The following PCDH15 variants were observed in gnomAD, a reference collection of about 807,000 sequenced individuals.
PCDH15 encodes the protein protocadherin related 15, also known as protocadherin-15.
In PCDH15, 129 loss-of-function variants were observed where a neutral mutation model predicts 178.5. The ratio of observed to expected loss-of-function variants is 0.72; its 90% CI spans 0.63 to 0.84. The LOEUF (loss-of-function observed/expected upper bound fraction) is 0.84. Ranked by LOEUF, PCDH15 falls within the 40% of genes least tolerant of loss-of-function variation. The pLI, the probability that PCDH15 is intolerant of heterozygous loss-of-function variation, is 0.00. For synonymous variants in PCDH15, 800 were observed against 732.0 expected (o/e 1.09, Z -1.50); for missense variants, 2,230 against 2,099.9 (o/e 1.06, Z -1.21).
intron 2 of PCDH15, chr10:54,605,662 A>C (rs1474469202): frequency 6.6e-6 from 1 of 152,174 alleles, no homozygotes; most frequent in African/African-American, 2.4e-5. Context: ...TGGGGCACTA[A>C]CTGGATTTTC....
At chr10:54,009,118 C>A (rs746221660) in intron 20 of PCDH15, among the ~76,000 whole-genome samples, 1 of 151,716 alleles carries the variant, frequency 6.6e-6, no homozygotes, top group Non-Finnish European at 1.5e-5. Flanking sequence ...ATTATTGTCT[C>A]GGGAAAGAGA....
intron 28 of PCDH15, among the ~76,000 whole-genome samples, chr10:53,842,066 T>C (rs953729217): frequency 6.6e-6 from 1 of 152,154 alleles, no homozygotes; most frequent in Non-Finnish European, 1.5e-5. Context: ...GAGAGATTTA[T>C]GCTCATTTAA....
intron 3 of PCDH15, among the ~76,000 whole-genome samples, chr10:54,517,410 C>T (rs985983214): frequency 6.6e-6 from 1 of 152,110 alleles, no homozygotes; most frequent in Admixed American, 6.6e-5. Context: ...GAGTTGCAAT[C>T]CTAGTCTCTG....
intron 10 of PCDH15, among the ~76,000 whole-genome samples, chr10:54,209,208 A>G (rs2134060943): frequency 6.6e-6 from 1 of 152,148 alleles, no homozygotes; most frequent in East Asian, 1.9e-4. Flanking sequence ...TCTCTGTGGG[A>G]AATTCAGGTA....
At chr10:54,045,777 A>G (rs570974082) in intron 18 of PCDH15, among the ~76,000 whole-genome samples, 1 of 152,130 alleles carries the variant, frequency 6.6e-6, no homozygotes, top group Non-Finnish European at 1.5e-5. Context: ...GACCTGAGGA[A>G]GTAGGCTATT....
intron 2 of PCDH15, among the ~76,000 whole-genome samples, chr10:54,561,610 C>T (rs1327380514): frequency 2.0e-5 from 3 of 152,030 alleles, no homozygotes; most frequent in Admixed American, 6.6e-5. Context: ...AGAAAGGTCT[C>T]TTCAAAATAG....
chr10:55,263,325 G>A (rs1842195875), intron 1 of PCDH15, among the ~76,000 whole-genome samples: 1 of 152,136 alleles, frequency 6.6e-6, no homozygotes, highest in South Asian at 2.1e-4. Flanking sequence ...TACAGGCTGT[G>A]GCAATGTTAC....
chr10:55,039,997 G>A (rs989804559), intron 2 of PCDH15, among the ~76,000 whole-genome samples: 2 of 151,924 alleles, frequency 1.3e-5, no homozygotes, highest in African/African-American at 4.8e-5. Context: ...TTCATCCATA[G>A]CATTTTAGAA....
chr10:54,484,751 G>C (rs2078978761), intron 3 of PCDH15, among the ~76,000 whole-genome samples: 1 of 151,672 alleles, frequency 6.6e-6, no homozygotes. Flanking sequence ...ACAATGCAAG[G>C]AGTTGGAAAA....
At chr10:54,975,019 C>A (rs1440658636) in intron 2 of PCDH15, among the ~76,000 whole-genome samples, 1 of 152,166 alleles carries the variant, frequency 6.6e-6, no homozygotes, top group Non-Finnish European at 1.5e-5. Context: ...CACATCTTCT[C>A]AGCTACTAGC....
At chr10:54,266,146 A>AACACAC (rs145223349) in intron 8 of PCDH15, among the ~76,000 whole-genome samples, 6 of 150,060 alleles carry the variant, frequency 4.0e-5, no homozygotes, top group Non-Finnish European at 6.0e-5. Flanking sequence ...CGCAGACACA[A>AACACAC]ACACACACAC....
intron 1 of PCDH15, among the ~76,000 whole-genome samples, chr10:55,194,918 A>G (rs1054304217): frequency 4.6e-5 from 7 of 152,066 alleles, no homozygotes; most frequent in Admixed American, 6.5e-5. Flanking sequence ...TATGTTAAAA[A>G]TGTTATAGCA....
At chr10:54,675,651 G>A (rs2094772711) in intron 1 of PCDH15, among the ~76,000 whole-genome samples, 2 of 151,912 alleles carry the variant, frequency 1.3e-5, no homozygotes, top group African/African-American at 2.4e-5. Context: ...CCAAGTATAG[G>A]TCAAATATTT....
intron 15 of PCDH15, among the ~76,000 whole-genome samples, chr10:54,099,498 C>CA (rs755057091): frequency 1.1e-3 from 56 of 49,908 alleles, no homozygotes; most frequent in African/African-American, 4.5e-3. Flanking sequence ...GACTCCATCT[C>CA]AAAAAAAAAA....
intron 2 of PCDH15, among the ~76,000 whole-genome samples, chr10:55,143,074 T>C (rs1838397201): frequency 6.6e-6 from 1 of 152,100 alleles, no homozygotes; most frequent in South Asian, 2.1e-4. Context: ...GCACTTCCCC[T>C]GCTCGCGCTC....
chr10:54,438,538 T>A (rs1427170630), intron 3 of PCDH15, among the ~76,000 whole-genome samples: 2 of 152,066 alleles, frequency 1.3e-5, no homozygotes, highest in Non-Finnish European at 2.9e-5. Context: ...ATCTGGCATC[T>A]TTTCTCTTTC....
intron 32 of PCDH15, among the ~76,000 whole-genome samples, chr10:53,826,698 C>A (rs1331427539): frequency 1.3e-5 from 2 of 152,118 alleles, no homozygotes; most frequent in East Asian, 3.9e-4. Flanking sequence ...TTAACAGTTA[C>A]CAGTGTCTTT....
chr10:55,008,238 G>A (rs185652323), intron 2 of PCDH15, among the ~76,000 whole-genome samples: 1 of 137,186 alleles, frequency 7.3e-6, no homozygotes, highest in African/African-American at 2.6e-5. Context: ...GGAGCACCAT[G>A]TAGATAAATC....
intron 3 of PCDH15, among the ~76,000 whole-genome samples, chr10:54,823,007 G>A (rs766228988): frequency 6.6e-6 from 1 of 151,784 alleles, no homozygotes; most frequent in Non-Finnish European, 1.5e-5. Context: ...TCAGCCTCCC[G>A]AGTAGCTGGA....
Sources: gnomAD v4.1 joint callset for allele counts (sites outside exome capture counted in the v4.1 genomes callset) on GRCh38, gnomAD v4.1.1 for gene constraint, MANE v1.5 for transcripts, NCBI Gene and HGNC (gene_info 2026-07-23, HGNC 2026-07-21) for gene names.